KIF9: variants seen among roughly 807,000 people sequenced by gnomAD.
The protein encoded by KIF9 is kinesin-like protein KIF9.
Under a neutral mutation model 94.8 loss-of-function variants are expected in KIF9, and 68 were observed. The observed-to-expected ratio is 0.72, with a 90% CI of 0.59 to 0.88. KIF9 has a LOEUF of 0.88. Ranked by LOEUF, KIF9 falls within the 40% of genes least tolerant of loss-of-function variation. The pLI is 0.00. For missense variants in KIF9, 882 were observed against 982.5 expected (o/e 0.90, Z 1.37); for synonymous variants, 343 against 362.1 (o/e 0.95, Z 0.60).
At chr3:47,240,037 C>T in intron 17 of KIF9, 1 of 901,454 alleles carries the variant, frequency 1.1e-6, no homozygotes. Flanking sequence ...CTCCATCTCT[C>T]CCAAGTCAGA....
chr3:47,281,731 GTC>G (rs1387053720), intron 1 of KIF9, among the ~76,000 whole-genome samples: 25 of 152,320 alleles, frequency 1.6e-4, no homozygotes, highest in African/African-American at 5.8e-4. Context: ...AACAAAGCAA[GTC>G]TCTGAATGGC....
In KIF9 at chr3:47,243,202, T is replaced by G. The variant is rs1158504153; in HGVS notation, c.1558A>C (p.Lys520Gln). 2 of 1,612,970 alleles carry G rather than the reference T, an allele frequency of 1.2e-6. No individual in the cohort carries two copies. Among genetic ancestry groups the G allele is most frequent in the South Asian group, 2.2e-5 (2 of 91,014 alleles). Reference protein sequence around the residue: ...KEGASSPVNGKDLDYVSTSKT... With the variant: ...KEGASSPVNGQDLDYVSTSKT... Reference sequence around the variant, plus strand: ...GAGGTGGAAACGTAATCCAAGTCCTTCCCATTCACAGGGCTGCTGGCACCT... The same window carrying G: ...GAGGTGGAAACGTAATCCAAGTCCTGCCCATTCACAGGGCTGCTGGCACCT... Residue 520 changes from lysine (K) to glutamine (Q), a missense_variant, in exon 16 of 21, where the codon AAG (lysine) becomes CAG (glutamine). Physicochemically the swap from Lys to Gln is moderately conservative, Grantham distance 53 (BLOSUM62 1). Coordinates refer to ENST00000684063, the MANE Select transcript of KIF9 (RefSeq NM_182902.4).
chr3:47,267,092 T>C (rs975353736), intron 6 of KIF9, 24 bp from the exon 7 acceptor site: 5 of 1,609,878 alleles, frequency 3.1e-6, no homozygotes, highest in Non-Finnish European at 4.2e-6. Context: ...AAGCAGAAGT[T>C]AGACTGTCAC....
chr3:47,255,906 C>T (rs1397592441), intron 10 of KIF9, among the ~76,000 whole-genome samples: 3 of 152,232 alleles, frequency 2.0e-5, no homozygotes, highest in African/African-American at 4.8e-5. Flanking sequence ...ATTGCGGGCG[C>T]GCGCCACCAC....
intron 17 of KIF9, chr3:47,239,839 G>A (rs371288920): frequency 7.3e-7 from 1 of 1,367,716 alleles, no homozygotes; most frequent in African/African-American, 1.5e-5. Context: ...GACATCTGGA[G>A]ATCACTCATG....
intron 1 of KIF9, chr3:47,282,275 T>C (rs979264707): frequency 2.0e-6 from 2 of 985,412 alleles, no homozygotes; most frequent in Non-Finnish European, 2.4e-6. Flanking sequence ...TGGGACCCCT[T>C]TGTGGGACCA....
In KIF9 at chr3:47,270,515, A is replaced by G. The variant is rs2107478396; in HGVS notation, c.591+722T>C. Among the ~76,000 whole-genome samples the G allele has an allele frequency of 2.0e-5, 3 of 152,220 alleles. No individual in the cohort carries two copies. In the Middle Eastern group the frequency reaches 0.01, roughly 518 times the overall value. On this transcript the variant is annotated intron_variant, in intron 5 of 20. Coordinates refer to ENST00000684063, the MANE Select transcript of KIF9 (RefSeq NM_182902.4). ...GGTGATCCACCCACCTCAGCCTCCC[A>G]AAGTGCTAGGATTACAGGCATCACC...
intron 12 of KIF9, 50 bp downstream of exon 12, chr3:47,247,323 C>G: frequency 7.8e-7 from 1 of 1,288,914 alleles, no homozygotes; most frequent in South Asian, 1.2e-5. Flanking sequence ...GTGCCCAGGA[C>G]TGGGAGGCCC....
At chr3:47,266,063 A>G in intron 7 of KIF9, 186 bp from the exon 8 acceptor site, 2 of 562,868 alleles carry the variant, frequency 3.6e-6, no homozygotes, top group Non-Finnish European at 3.1e-6. Flanking sequence ...TGGTAATACC[A>G]AAACTCAGAA....
intron 9 of KIF9, among the ~76,000 whole-genome samples, chr3:47,260,269 A>C (rs1249436660): frequency 6.9e-6 from 1 of 145,742 alleles, no homozygotes; most frequent in Non-Finnish European, 1.5e-5. Context: ...CCCTCTCCCC[A>C]CAATTGTCTT....
rs545736838 is a variant in KIF9, at chr3:47,264,561, C to A, written c.917-211G>T. 2.0e-5 allele frequency among the ~76,000 whole-genome samples: 3 copies of A among 152,304 alleles called. No homozygotes were observed. The East Asian group carries it at 5.8e-4, about 29-fold the overall frequency. On this transcript the variant is annotated intron_variant, in intron 8 of 20. Coordinates refer to ENST00000684063, the MANE Select transcript of KIF9 (RefSeq NM_182902.4). ...AAGTGATCCTCTTGCCTCAGCCTCC[C>A]AAGTAGCTCGCACCACAGGTGCACA...
chr3:47,230,763 G>C (rs994500764), intron 20 of KIF9, among the ~76,000 whole-genome samples: 1 of 152,022 alleles, frequency 6.6e-6, no homozygotes, highest in Non-Finnish European at 1.5e-5. Context: ...ACCCAGGCTG[G>C]GCACAGTGGC....
rs1434258278 is a variant in KIF9 at position 47,236,415 on chromosome 3, T to C, written c.2101+28A>G. Reference sequence around the variant, plus strand: ...TCCCTGAGTCTCCTTGTACCTCAGGTGGCGGCCAACCTTCCCAACTGTCGC... The same window carrying C: ...TCCCTGAGTCTCCTTGTACCTCAGGCGGCGGCCAACCTTCCCAACTGTCGC... On this transcript the variant is annotated intron_variant, in intron 18 of 20. Transcript: ENST00000684063. The C allele has an allele frequency of 3.7e-6, 6 of 1,611,120 alleles. No individual in the cohort carries two copies. In the Admixed American group the frequency reaches 5.0e-5, roughly 13 times the overall value.
chr3:47,256,022 G>C (rs376189140), intron 10 of KIF9, among the ~76,000 whole-genome samples: 1 of 152,206 alleles, frequency 6.6e-6, no homozygotes, highest in African/African-American at 2.4e-5. Context: ...CCGGCCTCCC[G>C]AGGTGCCGGG....
chr3:47,253,782 TC>T (rs1700412081), intron 10 of KIF9, among the ~76,000 whole-genome samples: 1 of 152,176 alleles, frequency 6.6e-6, no homozygotes, highest in African/African-American at 2.4e-5. Flanking sequence ...ACTTAGCTAC[TC>T]CCCTGTTAAA....
chr3:47,245,573 G>A (rs2107222759), intron 13 of KIF9, 62 bp from the exon 14 acceptor site: 2 of 1,282,288 alleles, frequency 1.6e-6, no homozygotes, highest in Non-Finnish European at 1.1e-6. Context: ...ACTGGGGCAA[G>A]AACCAAGTAC....
At position 47,228,465 on chromosome 3, in the gene KIF9, C is replaced by T; in HGVS notation, c.*187G>A. 1.5e-6 allele frequency: 1 copy of T among 657,290 alleles called. No individual in the cohort carries two copies. The highest frequency in any genetic ancestry group is 1.8e-5 in the South Asian group (1 of 56,110). The allele number at this position is 657,290 out of a possible 1,614,324, so 40.7% of individuals were successfully genotyped here. A position where few individuals can be genotyped will look rare whatever the true frequency, so the allele number is the denominator to read the frequency against. ...AGACAGTGAATTAAAACCCAAAGTG[C>T]TCTGTGGAGATGAGCAAGGTTGTCC... On this transcript the variant is annotated 3_prime_UTR_variant, in exon 21 of 21. Coordinates refer to ENST00000684063, the MANE Select transcript of KIF9 (RefSeq NM_182902.4).
At chr3:47,275,584 C>A (rs986876357) in intron 2 of KIF9, 94 bp from the exon 3 acceptor site, 17 of 913,216 alleles carry the variant, frequency 1.9e-5, no homozygotes, top group Non-Finnish European at 2.6e-5. Flanking sequence ...CTGGAGGGAA[C>A]AGAGGAAATG....
rs761158394 is a variant in KIF9 at position 47,236,454 on chromosome 3, C to T, written c.2090G>A (p.Arg697His). 9.9e-6 allele frequency: 16 copies of T among 1,612,902 alleles called. No homozygotes were observed. Among genetic ancestry groups the T allele is most frequent in the East Asian group, 2.2e-5 (1 of 44,900 alleles). The change falls in exon 18 of 21, where the codon CGC (arginine) becomes CAC (histidine). Residue 697 changes from arginine (R) to histidine (H), a missense_variant. By Grantham distance (29) the Arg-to-His change is conservative. Coordinates refer to ENST00000684063, the MANE Select transcript of KIF9 (RefSeq NM_182902.4). ...CQHLVDQCRH[R>H]LLMEFDIWYN... ...CCCAACTGTCGCACCCATGAGCAGG[C>T]GGTGGCGACACTGATCCACTAGGTG...
Sources: gnomAD v4.1 joint callset for allele counts (sites outside exome capture counted in the v4.1 genomes callset) on GRCh38, gnomAD v4.1.1 for gene constraint, MANE v1.5 for transcripts, NCBI Gene and HGNC (gene_info 2026-07-23, HGNC 2026-07-21) for gene names.